The following GNA12 variants were observed in gnomAD, a reference collection of about 807,000 sequenced individuals.
The protein encoded by GNA12 is G protein subunit alpha 12, also known as guanine nucleotide-binding protein subunit alpha-12.
Under a neutral mutation model 26.0 loss-of-function variants are expected in GNA12, and 9 were observed. The observed-to-expected ratio is 0.35, with a 90% CI of 0.21 to 0.60. The LOEUF is 0.60. Ranked by LOEUF, GNA12 falls within the 20% of genes least tolerant of loss-of-function variation. GNA12 has a pLI of 0.78. For missense variants in GNA12, 405 were observed against 525.8 expected (o/e 0.77, Z 2.25); for synonymous variants, 264 against 219.6 (o/e 1.20, Z -1.79).
intron 2 of GNA12, among the ~76,000 whole-genome samples, chr7:2,745,310 CA>C (rs1249429128): frequency 1.3e-5 from 2 of 152,258 alleles, no homozygotes; most frequent in African/African-American, 4.8e-5. Context: ...ATCAGACTAA[CA>C]GCTGATCTCT....
chr7:2,798,349 T>C (rs1376752401), intron 1 of GNA12, among the ~76,000 whole-genome samples: 3 of 152,206 alleles, frequency 2.0e-5, no homozygotes, highest in Non-Finnish European at 4.4e-5. Context: ...CAGGATATAA[T>C]GTCAACACAC....
At position 2,738,479 on chromosome 7, in the gene GNA12, A is replaced by G. The variant is rs4722025; in HGVS notation, c.526-4978T>C. Among the ~76,000 whole-genome samples, 197 of 152,298 alleles carry G rather than the reference A, an allele frequency of 1.3e-3. 3 individuals are homozygous for G. The highest frequency in any genetic ancestry group is 8.4e-3 in the Admixed American group (129 of 15,304). ...GGAGGTTTCCGATACCCACTGCCAA[A>G]GGAAAAGCACAAGGCACGAAACAAC... On this transcript the variant is annotated intron_variant, in intron 2 of 3. Coordinates refer to ENST00000275364, the MANE Select transcript of GNA12 (RefSeq NM_007353.3).
intron 2 of GNA12, among the ~76,000 whole-genome samples, chr7:2,741,457 G>A (rs956107702): frequency 9.2e-5 from 14 of 152,180 alleles, no homozygotes; most frequent in East Asian, 1.9e-4. Context: ...CAGCAAGTGC[G>A]GCACCAGGCA....
At chr7:2,816,774 T>G (rs1793228016) in intron 1 of GNA12, among the ~76,000 whole-genome samples, 1 of 152,156 alleles carries the variant, frequency 6.6e-6, no homozygotes, top group Non-Finnish European at 1.5e-5. Flanking sequence ...TAGCACACAT[T>G]AACTCATTCA....
Position 2,795,147 on chromosome 7 carries a change from G to C in GNA12, c.310-4C>G. 6.2e-7 allele frequency: 1 copy of C among 1,604,154 alleles called. No homozygotes were observed. The highest frequency in any genetic ancestry group is 8.5e-7 in the Non-Finnish European group (1 of 1,171,804). On this transcript the variant is annotated splice_polypyrimidine_tract_variant and splice_region_variant and intron_variant, in intron 1 of 3. Coordinates refer to ENST00000275364, the MANE Select transcript of GNA12 (RefSeq NM_007353.3). ...CATCAACAAGAACCCTTGAGCCCTA[G>C]AAAATAAAAGAAAGAAGAGAGGATT...
chr7:2,841,646 G>T (rs1778991250), intron 1 of GNA12, among the ~76,000 whole-genome samples: 1 of 152,102 alleles, frequency 6.6e-6, no homozygotes, highest in African/African-American at 2.4e-5. Context: ...AATCCTAAAG[G>T]AGCTCTATTA....
intron 1 of GNA12, among the ~76,000 whole-genome samples, chr7:2,836,809 A>T (rs1199724071): frequency 6.6e-6 from 1 of 152,140 alleles, no homozygotes; most frequent in Non-Finnish European, 1.5e-5. Flanking sequence ...CTGTAGTCCC[A>T]GCTACTTGGG....
chr7:2,762,655 G>A (rs750871742), intron 2 of GNA12: 12 of 1,598,900 alleles, frequency 7.5e-6, no homozygotes, highest in African/African-American at 2.7e-5. Context: ...GCGGCAGGAC[G>A]ATGAGAGGAT....
At position 2,729,022 on chromosome 7, in the gene GNA12, AAT is replaced by A. The variant is rs1225523035; in HGVS notation, c.*2157_*2158del. The A allele has an allele frequency of 6.6e-6, 1 of 152,396 alleles. No homozygotes were observed. Among genetic ancestry groups the A allele is most frequent in the African/African-American group, 2.4e-5 (1 of 41,464 alleles). 9.4% of individuals were successfully genotyped at this position (152,396 alleles called of 1,614,324 possible). A position where few individuals can be genotyped will look rare whatever the true frequency, so the allele number is the denominator to read the frequency against. On this transcript the variant is annotated 3_prime_UTR_variant, in exon 4 of 4. Transcript: ENST00000275364. ...GCTTCTGGTTTGAAAGTGACGAGTAAATATGTCAGACTGTTTAAAGGAAAACA... is the reference window on the plus strand; with the variant it reads ...GCTTCTGGTTTGAAAGTGACGAGTAAATGTCAGACTGTTTAAAGGAAAACA...
chr7:2,806,567 T>C (rs565435771), intron 1 of GNA12, among the ~76,000 whole-genome samples: 1 of 151,146 alleles, frequency 6.6e-6, no homozygotes, highest in South Asian at 2.1e-4. Context: ...TAGAAATACA[T>C]AAAGAAGAAA....
chr7:2,843,147 G>T (rs6979678), intron 1 of GNA12, among the ~76,000 whole-genome samples: 1 of 151,898 alleles, frequency 6.6e-6, no homozygotes, highest in African/African-American at 2.4e-5. Context: ...GCTGGTTCCC[G>T]TCCAGTCTCC....
chr7:2,807,488 G>A (rs561150765), intron 1 of GNA12, among the ~76,000 whole-genome samples: 87 of 151,836 alleles, frequency 5.7e-4, no homozygotes, highest in Non-Finnish European at 1.1e-3. Context: ...TCAAAATCAA[G>A]AGAGCCTTGA....
intron 2 of GNA12, among the ~76,000 whole-genome samples, chr7:2,794,484 G>C (rs926064295): frequency 6.6e-6 from 1 of 152,098 alleles, no homozygotes; most frequent in Admixed American, 6.6e-5. Flanking sequence ...ACCTTAAAAC[G>C]AAAGGAACAA....
intron 2 of GNA12, among the ~76,000 whole-genome samples, chr7:2,769,652 G>C (rs1053846315): frequency 6.6e-6 from 1 of 152,102 alleles, no homozygotes; most frequent in African/African-American, 2.4e-5. Context: ...ACAATGGCAC[G>C]AACCCGGGAG....
chr7:2,749,074 T>C (rs1409909859), intron 2 of GNA12, among the ~76,000 whole-genome samples: 7 of 152,154 alleles, frequency 4.6e-5, no homozygotes, highest in Non-Finnish European at 1.0e-4. Context: ...GACTGTAAAC[T>C]AGTTCAACCA....
Position 2,731,499 on chromosome 7 carries a change from G to T in GNA12, c.828C>A (p.Ile276=). The change falls in exon 4 of 4, where the codon ATC becomes ATA. Residue 276 remains isoleucine, a synonymous_variant. Coordinates refer to ENST00000275364, the MANE Select transcript of GNA12 (RefSeq NM_007353.3). The surrounding 1 kb of genome is among the most constrained non-coding windows in gnomAD (Gnocchi z 6.0). ...GCTTGTTGTTGACGATGGTCTCGAA[G>T]ATGTTCATGGACTCCACCAGCCGGT... ...RTNRLVESMN[I]FETIVNNKLF... is the part of the protein sequence containing the mutation. 1 of 1,613,774 alleles carries T rather than the reference G, an allele frequency of 6.2e-7. No homozygotes were observed. Among genetic ancestry groups the T allele is most frequent in the Non-Finnish European group, 8.5e-7 (1 of 1,179,794 alleles).
intron 1 of GNA12, among the ~76,000 whole-genome samples, chr7:2,812,834 G>C (rs2115484441): frequency 6.6e-6 from 1 of 152,304 alleles, no homozygotes; most frequent in East Asian, 1.9e-4. Flanking sequence ...TAATGAGAAA[G>C]TTGGTAAACA....
chr7:2,802,365 C>T (rs1031901503), intron 1 of GNA12, among the ~76,000 whole-genome samples: 3 of 122,456 alleles, frequency 2.4e-5, no homozygotes, highest in African/African-American at 9.7e-5. Flanking sequence ...GTATAGATTC[C>T]CTCTCTGCTG....
intron 1 of GNA12, among the ~76,000 whole-genome samples, chr7:2,836,302 CA>C (rs1778836446): frequency 6.6e-6 from 1 of 152,158 alleles, no homozygotes; most frequent in African/African-American, 2.4e-5. Flanking sequence ...CACAAAGTAA[CA>C]GCTCTACTCC....
Sources: allele counts gnomAD v4.1 joint callset (sites outside exome capture counted in the v4.1 genomes callset), GRCh38; gene constraint gnomAD v4.1.1; non-coding constraint Gnocchi (gnomAD v3.1); transcripts MANE v1.5; gene names NCBI Gene and HGNC (gene_info 2026-07-23, HGNC 2026-07-21).